SPTBN4: variants seen among roughly 807,000 people sequenced by gnomAD.
SPTBN4 encodes the protein spectrin beta chain, non-erythrocytic 4.
In SPTBN4, 96 loss-of-function variants were observed where a neutral mutation model predicts 277.8. The ratio of observed to expected loss-of-function variants is 0.35; its 90% CI spans 0.29 to 0.41. The LOEUF (loss-of-function observed/expected upper bound fraction) is 0.41, where lower values mean the gene tolerates loss of function less well. Ranked by LOEUF, SPTBN4 falls within the 10% of genes least tolerant of loss-of-function variation. The pLI, the probability that SPTBN4 is intolerant of heterozygous loss-of-function variation, is 1.00. For synonymous variants in SPTBN4, 1,481 were observed against 1,580.3 expected (o/e 0.94, Z 1.49); for missense variants, 3,006 against 3,595.7 (o/e 0.84, Z 4.19).
Position 40,563,823 on chromosome 19 carries a change from C to A in SPTBN4, c.5916-1600C>A, listed in dbSNP as rs368787034. Among the ~76,000 whole-genome samples the A allele has an allele frequency of 3.6e-3, 276 of 77,288 alleles. 3 individuals carry two copies. Among genetic ancestry groups the A allele is most frequent in the African/African-American group, 0.015 (270 of 17,484 alleles). 50.7% of individuals were successfully genotyped at this position (77,288 alleles called of 152,430 possible). ...TGGGAGGCTAAGGCAGGCGGATCAC[C>A]TGAGGCCAGAAGTTCGAGACCAGCC... On this transcript the variant is annotated intron_variant, in intron 27 of 35. Coordinates refer to ENST00000598249, the MANE Select transcript of SPTBN4 (RefSeq NM_020971.3).
chr19:40,523,001 G>A (rs1318858751), intron 16 of SPTBN4, among the ~76,000 whole-genome samples: 1 of 152,054 alleles, frequency 6.6e-6, no homozygotes, highest in African/African-American at 2.4e-5. Flanking sequence ...GGGCATGGTG[G>A]TATGCACCTG....
chr19:40,508,174 T>G (rs1180984201), intron 13 of SPTBN4, among the ~76,000 whole-genome samples: 2 of 152,126 alleles, frequency 1.3e-5, no homozygotes, highest in African/African-American at 2.4e-5. Flanking sequence ...TTACAAAGGC[T>G]TAGACTGAAA....
At chr19:40,528,132 G>A (rs2080617140) in intron 17 of SPTBN4, among the ~76,000 whole-genome samples, 1 of 150,884 alleles carries the variant, frequency 6.6e-6, no homozygotes, top group Admixed American at 6.6e-5. Context: ...CTCTCATGGA[G>A]ACCCTGGGAG....
intron 35 of SPTBN4, among the ~76,000 whole-genome samples, chr19:40,574,516 C>T (rs2081183259): frequency 1.3e-5 from 2 of 152,138 alleles, no homozygotes; most frequent in East Asian, 2.0e-4. Flanking sequence ...CTTGCGCCAC[C>T]ATGCCCGGCT....
At chr19:40,488,621 G>C (rs562179830) in intron 3 of SPTBN4, among the ~76,000 whole-genome samples, 1 of 152,072 alleles carries the variant, frequency 6.6e-6, no homozygotes, top group East Asian at 1.9e-4. Context: ...TGAGACCCCC[G>C]TCTCTACGGT....
chr19:40,558,671 G>T (rs1007651950), intron 26 of SPTBN4, among the ~76,000 whole-genome samples: 6 of 146,586 alleles, frequency 4.1e-5, no homozygotes, highest in African/African-American at 1.5e-4. Context: ...GCAGTGGCGC[G>T]ATCTCAGCTC....
rs1223475392 is a variant in SPTBN4 at position 40,549,210 on chromosome 19, G to A, written c.4381G>A (p.Glu1461Lys). 2 of 1,547,322 alleles carry A rather than the reference G, an allele frequency of 1.3e-6. No homozygotes were observed. Among genetic ancestry groups the A allele is most frequent in the Non-Finnish European group, 1.7e-6 (2 of 1,146,798 alleles). ...KLQSMESQVE[E>K]WYREVGELQA... is the part of the protein sequence containing the mutation. ...ACAGTCCATGGAGTCGCAGGTGGAG[G>A]AGTGGTACCGCGAGGTGGGAGAGCT... Residue 1461 changes from glutamate (E) to lysine (K), a missense_variant, in exon 21 of 36, where the codon GAG becomes AAG. Physicochemically the swap from Glu to Lys is moderately conservative, Grantham distance 56 (BLOSUM62 1). Coordinates refer to ENST00000598249, the MANE Select transcript of SPTBN4 (RefSeq NM_020971.3).
chr19:40,524,505 C>T (rs754583087), intron 17 of SPTBN4: 8 of 445,206 alleles, frequency 1.8e-5, no homozygotes, highest in South Asian at 1.3e-4. Flanking sequence ...ACATTCTGTC[C>T]CCCCTCCAAA....
chr19:40,480,528 A>G (rs1037766313), intron 2 of SPTBN4, among the ~76,000 whole-genome samples: 4 of 152,188 alleles, frequency 2.6e-5, no homozygotes, highest in African/African-American at 9.7e-5. Flanking sequence ...CTAACAGCTC[A>G]GCTTCATTTT....
intron 2 of SPTBN4, among the ~76,000 whole-genome samples, chr19:40,479,892 A>G (rs1428521278): frequency 6.6e-6 from 1 of 151,242 alleles, no homozygotes; most frequent in Non-Finnish European, 1.5e-5. Flanking sequence ...ACTTGAGGCC[A>G]GGAGTTCAAG....
chr19:40,506,581 C>T (rs996488358), intron 13 of SPTBN4, among the ~76,000 whole-genome samples, 195 bp downstream of exon 13: 3 of 152,192 alleles, frequency 2.0e-5, no homozygotes, highest in African/African-American at 4.8e-5. Context: ...ATGGGCCACT[C>T]GACCTCTTCC....
At chr19:40,530,195 C>T (rs1487722393) in intron 18 of SPTBN4, among the ~76,000 whole-genome samples, 3 of 152,168 alleles carry the variant, frequency 2.0e-5, no homozygotes, top group East Asian at 3.9e-4. Context: ...CACCCAGCCC[C>T]TCACCATAAT....
rs140935332 is a variant in SPTBN4 at position 40,481,592 on chromosome 19, C to T, written c.170-6105C>T. Among the ~76,000 whole-genome samples, 1,023 of 152,200 alleles carry T rather than the reference C, an allele frequency of 6.7e-3. 4 individuals carry two copies. Among genetic ancestry groups the T allele is most frequent in the Non-Finnish European group, 0.012 (801 of 68,012 alleles). ...CTGAGTTCAAGCAATTCTCCTGTGTCAGCCTCTCAAGTAGCTGGGATTACA... is the reference window on the plus strand; with the variant it reads ...CTGAGTTCAAGCAATTCTCCTGTGTTAGCCTCTCAAGTAGCTGGGATTACA... On this transcript the variant is annotated intron_variant, in intron 2 of 35. Coordinates refer to ENST00000598249, the MANE Select transcript of SPTBN4 (RefSeq NM_020971.3).
intron 2 of SPTBN4, among the ~76,000 whole-genome samples, chr19:40,484,118 T>G (rs1333138090): frequency 6.6e-6 from 1 of 152,154 alleles, no homozygotes; most frequent in Non-Finnish European, 1.5e-5. Flanking sequence ...AATTAAATTA[T>G]TATTGAATAT....
intron 31 of SPTBN4, among the ~76,000 whole-genome samples, chr19:40,568,953 G>A (rs1041615373): frequency 2.6e-5 from 4 of 152,100 alleles, no homozygotes; most frequent in South Asian, 2.1e-4. Flanking sequence ...TGAGTCGAGC[G>A]GTGACTGAAC....
rs201113651 is a variant in SPTBN4 at position 40,575,477 on chromosome 19, T to C, written c.7603T>C (p.Trp2535Arg). 2.2e-5 allele frequency: 36 copies of C among 1,613,220 alleles called. No homozygotes were observed. The African/African-American group carries it at 3.7e-4, about 17-fold the overall frequency. The part of the protein sequence containing the change: ...SVAEHAEIAR[W>R]GQTLPTTSST... ...GGCGGAACACGCAGAGATCGCCCGC[T>C]GGGGCCAGACACTACCCACTACTTC... Residue 2535 changes from tryptophan (W) to arginine (R), a missense_variant, in exon 36 of 36, where the codon TGG becomes CGG. Physicochemically the swap from Trp to Arg is moderately radical, Grantham distance 101 (BLOSUM62 -3). Transcript: ENST00000598249.
intron 17 of SPTBN4, chr19:40,524,772 C>A: frequency 2.7e-6 from 1 of 369,252 alleles, no homozygotes; most frequent in Admixed American, 3.2e-5. Flanking sequence ...TCTCTCATCT[C>A]TTGAACCTCA....
Position 40,519,978 on chromosome 19 carries a change from G to A in SPTBN4, c.3481G>A (p.Gly1161Ser). 1 of 1,543,264 alleles carries A rather than the reference G, an allele frequency of 6.5e-7. No homozygotes were observed. Among genetic ancestry groups the A allele is most frequent in the South Asian group, 1.2e-5 (1 of 81,896 alleles). ...CAGCGAGGCGCTGCTGGCCGCCGAC[G>A]GCGCAGAGCTGGGCCCGGGCCTGGC... ...AASEALLAAD[G>S]AELGPGLALD... The change falls in exon 16 of 36, where the codon GGC becomes AGC. Residue 1161 changes from glycine to serine, a missense_variant. By Grantham distance (56) the Gly-to-Ser change is moderately conservative. This residue lies in a region of SPTBN4 where 1,759 missense variants were observed against 2,061.5 expected (regional missense o/e 0.85). Transcript: ENST00000598249. The surrounding 1 kb of genome is among the most constrained non-coding windows in gnomAD (Gnocchi z 5.7).
chr19:40,492,912 C>A (rs531089451), intron 4 of SPTBN4, 51 bp from the exon 5 acceptor site: 9 of 1,536,856 alleles, frequency 5.9e-6, no homozygotes, highest in South Asian at 1.1e-5. Flanking sequence ...GGGGGGCATT[C>A]GAAGCCTCAA....
Sources: allele counts gnomAD v4.1 joint callset (sites outside exome capture counted in the v4.1 genomes callset), GRCh38; gene constraint gnomAD v4.1.1; regional missense constraint gnomAD v4.1.1; non-coding constraint Gnocchi (gnomAD v3.1); transcripts MANE v1.5; gene names NCBI Gene and HGNC (gene_info 2026-07-23, HGNC 2026-07-21).